The following FOCAD variants were observed in gnomAD, a reference collection of about 807,000 sequenced individuals.
The protein encoded by FOCAD is focadhesin.
In FOCAD, 198 loss-of-function variants were observed where a neutral mutation model predicts 225.6. The observed-to-expected ratio is 0.88, with a 90% CI of 0.78 to 0.99. The LOEUF is 0.99. Ranked by LOEUF, FOCAD falls within the 50% of genes least tolerant of loss-of-function variation. The pLI is 0.00. For synonymous variants in FOCAD, 897 were observed against 755.0 expected (o/e 1.19, Z -3.08); for missense variants, 2,713 against 2,123.6 (o/e 1.28, Z -5.46).
At chr9:20,768,449 C>T (rs907812875) in intron 7 of FOCAD, among the ~76,000 whole-genome samples, 1 of 151,806 alleles carries the variant, frequency 6.6e-6, no homozygotes, top group Non-Finnish European at 1.5e-5. Flanking sequence ...TTGATTCTTC[C>T]TACCCATGAG....
At chr9:20,760,972 A>G (rs962208358) in intron 6 of FOCAD, among the ~76,000 whole-genome samples, 5 of 151,902 alleles carry the variant, frequency 3.3e-5, no homozygotes, top group Non-Finnish European at 7.4e-5. Flanking sequence ...TCATTTTAAT[A>G]TTATGTATAT....
chr9:20,851,562 A>T (rs1157582435), intron 15 of FOCAD, among the ~76,000 whole-genome samples: 1 of 151,760 alleles, frequency 6.6e-6, no homozygotes, highest in African/African-American at 2.4e-5. Context: ...AAATTCACTA[A>T]TAAAGTCTAA....
intron 22 of FOCAD, among the ~76,000 whole-genome samples, chr9:20,910,911 T>C (rs1013553766): frequency 6.6e-6 from 1 of 152,198 alleles, no homozygotes; most frequent in Admixed American, 6.6e-5. Flanking sequence ...AATAGAATGG[T>C]CGTGCTGATT....
At chr9:20,863,218 A>G (rs1311794405) in intron 16 of FOCAD, 1 of 151,266 alleles carries the variant, frequency 6.6e-6, no homozygotes. Context: ...ATGAGAGGGT[A>G]GTGAATTACA....
chr9:20,795,497 T>C (rs540655736), intron 11 of FOCAD, among the ~76,000 whole-genome samples: 41 of 152,228 alleles, frequency 2.7e-4, no homozygotes, highest in African/African-American at 9.6e-4. Context: ...AGACACAGCA[T>C]GTTTTGGGCC....
rs572022758 is a variant in FOCAD at position 20,746,260 on chromosome 9, GT to G, written c.392+5923del. 3.9e-5 allele frequency among the ~76,000 whole-genome samples: 6 copies of G among 152,218 alleles called. No individual in the cohort carries two copies. In the South Asian group the frequency reaches 1.2e-3, roughly 32 times the overall value. On this transcript the variant is annotated intron_variant, in intron 5 of 43. Coordinates refer to ENST00000338382, the MANE Select transcript of FOCAD (RefSeq NM_001375567.1). The stretch of plus-strand genomic sequence containing the variant: ...ACATGGAGCCAGCTGCATGAAGAGT[GT>G]TTCAGAGGAAGGAAAAGCAAGTGCC...
chr9:20,986,234 G>A (rs1297073024), intron 39 of FOCAD, 54 bp from the exon 40 acceptor site: 3 of 1,335,508 alleles, frequency 2.2e-6, no homozygotes, highest in Non-Finnish European at 2.9e-6. Flanking sequence ...AAATTCTGTA[G>A]CTACTTCAGT....
At chr9:20,855,533 T>C (rs1828087356) in intron 15 of FOCAD, among the ~76,000 whole-genome samples, 1 of 151,784 alleles carries the variant, frequency 6.6e-6, no homozygotes, top group Admixed American at 6.6e-5. Flanking sequence ...ATAGTCAAAC[T>C]GTGTAATGAT....
chr9:20,814,050 A>G (rs1015206712), intron 11 of FOCAD, among the ~76,000 whole-genome samples: 6 of 152,180 alleles, frequency 3.9e-5, no homozygotes, highest in Non-Finnish European at 5.9e-5. Flanking sequence ...TGTATTAAAT[A>G]TCTTCTCACT....
At chr9:20,986,913 C>T (rs552899714) in intron 40 of FOCAD, among the ~76,000 whole-genome samples, 58 of 152,280 alleles carry the variant, frequency 3.8e-4, no homozygotes, top group African/African-American at 1.3e-3. Context: ...CAAATCCTGC[C>T]ACCCTGTCTG....
chr9:20,695,744 G>A, intron 1 of FOCAD, among the ~76,000 whole-genome samples: 1 of 152,214 alleles, frequency 6.6e-6, no homozygotes, highest in East Asian at 1.9e-4. Context: ...TGTGGGATAA[G>A]TATGGCTTAG....
At chr9:20,731,983 G>C (rs1826753713) in intron 4 of FOCAD, among the ~76,000 whole-genome samples, 1 of 152,126 alleles carries the variant, frequency 6.6e-6, no homozygotes, top group African/African-American at 2.4e-5. Flanking sequence ...GGATACATGT[G>C]CAAGATGTGC....
chr9:20,868,707 CT>C lies in FOCAD; in HGVS notation c.2190+1706del, dbSNP rs962315629. ...ATCCTTTTGTAGCTATGCTTTTCAG[CT>C]TTTTTTTTTTCTTGCCCTAATCCCC... On this transcript the variant is annotated intron_variant, in intron 18 of 43. Transcript: ENST00000338382. 2.2e-3 allele frequency among the ~76,000 whole-genome samples: 322 copies of C among 146,740 alleles called. 1 individual carries two copies. Among genetic ancestry groups the C allele is most frequent in the African/African-American group, 6.9e-3 (278 of 40,436 alleles).
At chr9:20,878,951 A>T (rs912766942) in intron 19 of FOCAD, among the ~76,000 whole-genome samples, 1 of 152,172 alleles carries the variant, frequency 6.6e-6, no homozygotes, top group Non-Finnish European at 1.5e-5. Flanking sequence ...CCCAGCTCTC[A>T]TAGAGAGTTC....
rs113943180 is a variant in FOCAD, at chr9:20,817,462, T to C, written c.1456-2334T>C. Among the ~76,000 whole-genome samples the C allele has an allele frequency of 6.3e-3, 961 of 152,264 alleles. 11 individuals carry two copies. Among genetic ancestry groups the C allele is most frequent in the African/African-American group, 0.022 (912 of 41,552 alleles). On this transcript the variant is annotated intron_variant, in intron 11 of 43. Transcript: ENST00000338382. Reference sequence around the variant, plus strand: ...ATACAGCCTTTTGTGGCTGTTTTTTTTCTCTTACCATAATGTTTTCAAGGT... The same window carrying C: ...ATACAGCCTTTTGTGGCTGTTTTTTCTCTCTTACCATAATGTTTTCAAGGT...
intron 24 of FOCAD, 75 bp from the exon 25 acceptor site, chr9:20,923,585 C>A: frequency 9.2e-7 from 1 of 1,092,192 alleles, no homozygotes; most frequent in Non-Finnish European, 1.4e-6. Context: ...CTTCACCTGC[C>A]CTCCTATATT....
intron 21 of FOCAD, among the ~76,000 whole-genome samples, chr9:20,894,674 T>A (rs1401271323): frequency 6.6e-6 from 1 of 152,148 alleles, no homozygotes; most frequent in African/African-American, 2.4e-5. Flanking sequence ...AAAATCTGGT[T>A]GTTAGGTTTT....
At chr9:20,946,333 C>A (rs910216583) in intron 29 of FOCAD, among the ~76,000 whole-genome samples, 1 of 152,146 alleles carries the variant, frequency 6.6e-6, no homozygotes, top group Non-Finnish European at 1.5e-5. Flanking sequence ...TAGTAGCACC[C>A]ACTGGTGATG....
chr9:20,894,776 G>C (rs552051666), intron 21 of FOCAD, among the ~76,000 whole-genome samples: 1 of 151,962 alleles, frequency 6.6e-6, no homozygotes, highest in South Asian at 2.1e-4. Context: ...AGAGTCTATG[G>C]CTTATCTATT....
Sources: gnomAD v4.1 joint callset for allele counts (sites outside exome capture counted in the v4.1 genomes callset) on GRCh38, gnomAD v4.1.1 for gene constraint, MANE v1.5 for transcripts, NCBI Gene and HGNC (gene_info 2026-07-23, HGNC 2026-07-21) for gene names.